Variants in GPC5 observed in about 807,000 individuals in gnomAD.
GPC5 encodes glypican-5.
In GPC5, 47 loss-of-function variants were observed where a neutral mutation model predicts 53.9. That is an observed-to-expected ratio of 0.87 (90% CI 0.69 to 1.11). The LOEUF is 1.11. Ranked by LOEUF, GPC5 falls within the 50% of genes most tolerant of loss-of-function variation. GPC5 has a pLI of 0.00. For synonymous variants in GPC5, 286 were observed against 263.3 expected (o/e 1.09, Z -0.84); for missense variants, 748 against 713.1 (o/e 1.05, Z -0.56).
chr13:91,935,966 C>G (rs1001033153), intron 6 of GPC5, among the ~76,000 whole-genome samples: 16 of 151,896 alleles, frequency 1.1e-4, no homozygotes, highest in African/African-American at 3.6e-4. Context: ...GTAATGTACC[C>G]AGGTAGAGAA....
At chr13:91,843,990 A>G (rs1430281073) in intron 5 of GPC5, among the ~76,000 whole-genome samples, 1 of 152,188 alleles carries the variant, frequency 6.6e-6, no homozygotes, top group Non-Finnish European at 1.5e-5. Flanking sequence ...GTCTGTGAAC[A>G]AAACTATTTT....
chr13:91,822,998 A>G lies in GPC5; in HGVS notation c.1280+66578A>G, dbSNP rs1429573310. On this transcript the variant is annotated intron_variant, in intron 5 of 7. Transcript: ENST00000377067. ...AAGCATCTCATAATCATTTATTTAT[A>G]CCCAAATAAAGTGTCTTAAATGTTT... Among the ~76,000 whole-genome samples, 5 of 152,086 alleles carry G rather than the reference A, an allele frequency of 3.3e-5. No individual in the cohort carries two copies. The East Asian group carries it at 9.7e-4, about 29-fold the overall frequency.
rs1185871169 is a variant in GPC5, at chr13:91,802,375, T to C, written c.1280+45955T>C. Among the ~76,000 whole-genome samples, 7 of 152,288 alleles carry C rather than the reference T, an allele frequency of 4.6e-5. 1 individual carries two copies. The highest frequency in any genetic ancestry group is 4.6e-4 in the Admixed American group (7 of 15,294). ...CCGGTGGGTTCGTGGTCTCACTGAC[T>C]TCAGGAATGAAGCTGCAGACCCTTG... On this transcript the variant is annotated intron_variant, in intron 5 of 7. Transcript: ENST00000377067.
At chr13:92,577,418 A>ATG (rs56162097) in intron 7 of GPC5, among the ~76,000 whole-genome samples, 10,792 of 145,364 alleles carry the variant, frequency 0.074, 394 homozygotes, top group Non-Finnish European at 0.08. Context: ...ATGTATGTAT[A>ATG]TGTGTGTGTG....
chr13:92,597,723 A>G (rs937719981), intron 7 of GPC5, among the ~76,000 whole-genome samples: 3 of 152,240 alleles, frequency 2.0e-5, no homozygotes, highest in African/African-American at 7.2e-5. Context: ...TGGGGTCAAA[A>G]GAAGACAGAG....
chr13:91,848,626 A>T (rs2038878452), intron 5 of GPC5, among the ~76,000 whole-genome samples: 1 of 152,186 alleles, frequency 6.6e-6, no homozygotes, highest in South Asian at 2.1e-4. Context: ...TTCTAAAGTG[A>T]TTCTGCTTCT....
chr13:91,715,055 T>C (rs1248872407), intron 3 of GPC5, among the ~76,000 whole-genome samples: 2 of 152,170 alleles, frequency 1.3e-5, no homozygotes, highest in Admixed American at 6.5e-5. Context: ...TAAGGGGTGG[T>C]TTATGCAGAA....
intron 7 of GPC5, among the ~76,000 whole-genome samples, chr13:92,663,831 CACTA>C (rs1384375141): frequency 7.8e-6 from 1 of 128,852 alleles, no homozygotes; most frequent in Non-Finnish European, 1.6e-5. Flanking sequence ...TATATACACA[CACTA>C]TATATATATA....
intron 7 of GPC5, among the ~76,000 whole-genome samples, chr13:92,808,240 T>A (rs77354797): frequency 6.6e-6 from 1 of 152,100 alleles, no homozygotes; most frequent in Admixed American, 6.6e-5. Flanking sequence ...GATTTTGTAA[T>A]GCTTTGAAAG....
intron 7 of GPC5, among the ~76,000 whole-genome samples, chr13:92,853,886 A>G (rs1437735865): frequency 6.6e-6 from 1 of 152,288 alleles, no homozygotes; most frequent in East Asian, 1.9e-4. Context: ...ATAAAATTTC[A>G]GAACACAATG....
At chr13:92,062,132 C>A (rs748725405) in intron 6 of GPC5, among the ~76,000 whole-genome samples, 9 of 151,672 alleles carry the variant, frequency 5.9e-5, no homozygotes, top group Non-Finnish European at 1.3e-4. Flanking sequence ...AGGAAAGGAA[C>A]CACTATTAAT....
chr13:91,579,257 C>T (rs2032256828), intron 2 of GPC5, among the ~76,000 whole-genome samples: 1 of 152,200 alleles, frequency 6.6e-6, no homozygotes, highest in East Asian at 1.9e-4. Context: ...GCCCCTTTGG[C>T]CCGGCATGTC....
rs139989774 is a variant in GPC5 at position 92,389,188 on chromosome 13, A to G, written c.1561+244199A>G. Among the ~76,000 whole-genome samples, 110 of 152,278 alleles carry G rather than the reference A, an allele frequency of 7.2e-4. 1 individual carries two copies. Among genetic ancestry groups the G allele is most frequent in the African/African-American group, 2.4e-3 (98 of 41,568 alleles). On this transcript the variant is annotated intron_variant, in intron 7 of 7. Coordinates refer to ENST00000377067, the MANE Select transcript of GPC5 (RefSeq NM_004466.6). ...CACATTTATACTGTACAAAAGTCTT[A>G]GTTTTATTTATAGCGGAGGAAACAG...
intron 5 of GPC5, among the ~76,000 whole-genome samples, chr13:91,835,465 A>C (rs2038712789): frequency 6.6e-6 from 1 of 152,242 alleles, no homozygotes; most frequent in South Asian, 2.1e-4. Context: ...TATTCACAAT[A>C]GCAAAAACTT....
intron 2 of GPC5, among the ~76,000 whole-genome samples, chr13:91,571,915 CACATATTGTATATAT>C: frequency 2.0e-5 from 2 of 101,436 alleles, no homozygotes; most frequent in Non-Finnish European, 4.1e-5. Context: ...TGTATATATA[CACATATTGTATATAT>C]ACACACATGT....
intron 6 of GPC5, among the ~76,000 whole-genome samples, chr13:92,139,611 G>A (rs2041814012): frequency 6.9e-6 from 1 of 144,018 alleles, no homozygotes; most frequent in Non-Finnish European, 1.5e-5. Flanking sequence ...AGGTTGCAGT[G>A]AGCCAAGACT....
At chr13:91,914,671 A>ATAT (rs1566339195) in intron 6 of GPC5, among the ~76,000 whole-genome samples, 2 of 149,398 alleles carry the variant, frequency 1.3e-5, no homozygotes, top group South Asian at 4.2e-4. Flanking sequence ...TTCTTAGGAT[A>ATAT]CCGATATAAT....
chr13:91,790,468 T>C (rs2138745833), intron 5 of GPC5, among the ~76,000 whole-genome samples: 1 of 152,338 alleles, frequency 6.6e-6, no homozygotes, highest in African/African-American at 2.4e-5. Context: ...TTCTAGTATA[T>C]GCTACACCTT....
chr13:91,690,370 C>A (rs1446174362), intron 2 of GPC5, among the ~76,000 whole-genome samples: 2 of 152,014 alleles, frequency 1.3e-5, no homozygotes, highest in African/African-American at 2.4e-5. Flanking sequence ...AAAAACTACT[C>A]TAAAATCAAA....
Sources: allele counts gnomAD v4.1 joint callset (sites outside exome capture counted in the v4.1 genomes callset), GRCh38; gene constraint gnomAD v4.1.1; transcripts MANE v1.5; gene names NCBI Gene and HGNC (gene_info 2026-07-23, HGNC 2026-07-21).